Variants in GAREM1 observed in about 807,000 individuals in gnomAD.
GAREM1 encodes GRB2 associated regulator of MAPK1 subtype 1, also known as GRB2-associated and regulator of MAPK protein 1.
GAREM1 carries 26 observed loss-of-function variants against 71.3 expected under a neutral mutation model. The observed-to-expected ratio is 0.36, with a 90% CI of 0.27 to 0.51. GAREM1 has a LOEUF of 0.51. GAREM1 is among the 20% of genes least tolerant of loss of function. The probability of loss-of-function intolerance (pLI) is 0.95; values close to 1 mark genes in which losing one functional copy is unlikely to be tolerated. For synonymous variants in GAREM1, 440 were observed against 433.2 expected, an observed-to-expected ratio of 1.02 and a Z score of -0.20; for missense variants, 1,026 against 1,103.1, an observed-to-expected ratio of 0.93 and a Z score of 0.99.
chr18:32,281,213 T>G (rs771848746), intron 4 of GAREM1, among the ~76,000 whole-genome samples: 1 of 152,170 alleles, frequency 6.6e-6, no homozygotes, highest in Non-Finnish European at 1.5e-5. Flanking sequence ...AGCTCTCAGA[T>G]GCAATGCTGC....
At chr18:32,299,903 A>T (rs1194338269) in intron 3 of GAREM1, among the ~76,000 whole-genome samples, 2 of 152,204 alleles carry the variant, frequency 1.3e-5, no homozygotes, top group African/African-American at 2.4e-5. Context: ...AAAAAGTTTT[A>T]AAAAATTTAT....
At chr18:32,371,493 G>A (rs953357901) in intron 2 of GAREM1, among the ~76,000 whole-genome samples, 23 of 152,224 alleles carry the variant, frequency 1.5e-4, no homozygotes, top group African/African-American at 4.8e-4. Context: ...TTGATATGCA[G>A]AGAAGATAGA....
chr18:32,444,851 C>T (rs2048771706), intron 1 of GAREM1, among the ~76,000 whole-genome samples: 1 of 152,154 alleles, frequency 6.6e-6, no homozygotes, highest in African/African-American at 2.4e-5. Flanking sequence ...GTGGGTATGA[C>T]TTTGTAAGAT....
At chr18:32,306,918 G>C (rs568571020) in intron 3 of GAREM1, among the ~76,000 whole-genome samples, 1 of 152,056 alleles carries the variant, frequency 6.6e-6, no homozygotes, top group Admixed American at 6.5e-5. Flanking sequence ...ATTTCACGCA[G>C]TTAATCGATG....
At chr18:32,367,283 T>C (rs565212349) in intron 2 of GAREM1, among the ~76,000 whole-genome samples, 12 of 152,356 alleles carry the variant, frequency 7.9e-5, no homozygotes, top group Admixed American at 4.6e-4. Context: ...GATTTCTGAC[T>C]GGTTGAAGGA....
At chr18:32,286,751 ACT>A (rs1451486333) in intron 4 of GAREM1, among the ~76,000 whole-genome samples, 2 of 150,580 alleles carry the variant, frequency 1.3e-5, no homozygotes, top group East Asian at 3.9e-4. Context: ...CCCACCTTCT[ACT>A]CTCTCCTCCC....
chr18:32,296,544 C>G (rs1178898660), intron 3 of GAREM1, among the ~76,000 whole-genome samples: 1 of 152,154 alleles, frequency 6.6e-6, no homozygotes. Context: ...GGCCTTGTTT[C>G]TAAGGCTTTG....
At chr18:32,364,016 ATATATATATATG>A (rs1171240080) in intron 2 of GAREM1, among the ~76,000 whole-genome samples, 7 of 49,098 alleles carry the variant, frequency 1.4e-4, no homozygotes, top group African/African-American at 8.6e-4. Context: ...ATATATATAT[ATATATATATATG>A]TTTTTTTTTT....
At chr18:32,386,746 C>G (rs1445982299) in intron 2 of GAREM1, among the ~76,000 whole-genome samples, 2 of 152,164 alleles carry the variant, frequency 1.3e-5, no homozygotes, top group East Asian at 1.9e-4. Flanking sequence ...ACTTCATGTT[C>G]TGATCCATTT....
In GAREM1 at chr18:32,371,666, C is replaced by T. The variant is rs144661632; in HGVS notation, c.262+21229G>A. 4.1e-3 allele frequency among the ~76,000 whole-genome samples: 627 copies of T among 152,072 alleles called. 2 individuals are homozygous for T. The highest frequency in any genetic ancestry group is 0.014 in the African/African-American group (592 of 41,486). On this transcript the variant is annotated intron_variant, in intron 2 of 5. Coordinates refer to ENST00000269209, the MANE Select transcript of GAREM1 (RefSeq NM_001242409.2). ...TAGAGAGTGGAGCTGGACACTCCTA[C>T]AGACATATCCCAGGAGGGAAAGGAG...
chr18:32,341,102 A>G (rs1393867005), intron 2 of GAREM1, among the ~76,000 whole-genome samples: 1 of 152,116 alleles, frequency 6.6e-6, no homozygotes, highest in Non-Finnish European at 1.5e-5. Context: ...TACATTAGGT[A>G]TATCTGCTAA....
At chr18:32,300,696 C>T (rs528813789) in intron 3 of GAREM1, among the ~76,000 whole-genome samples, 47 of 152,122 alleles carry the variant, frequency 3.1e-4, no homozygotes, top group African/African-American at 8.7e-4. Context: ...CGCTTGAGAT[C>T]GGGAGTTCGA....
intron 2 of GAREM1, among the ~76,000 whole-genome samples, chr18:32,370,256 C>T (rs1163330527): frequency 3.3e-5 from 5 of 151,860 alleles, no homozygotes; most frequent in East Asian, 3.9e-4. Flanking sequence ...AGTGAAACCC[C>T]GTCTCTACTA....
rs200241874 is a variant in GAREM1 at position 32,270,219 on chromosome 18, G to A, written c.1731C>T (p.Asn577=). 1.4e-5 allele frequency: 22 copies of A among 1,613,762 alleles called. No homozygotes were observed. The highest frequency in any genetic ancestry group is 3.3e-5 in the Admixed American group (2 of 59,946). ...TGGGACCTGGCAGGAAGACTTACAT[G>A]TTGTGTAGCCCTGAAGAATAGTAGG... ...TLSYYSSGLH[N]ISVTKTDTNP... is the part of the protein sequence containing the mutation. The change falls in exon 5 of 6, where the codon AAC becomes AAT. Residue 577 remains asparagine (N), a splice_region_variant and synonymous_variant. Transcript: ENST00000269209.
intron 2 of GAREM1, among the ~76,000 whole-genome samples, chr18:32,355,989 G>C (rs970025842): frequency 2.6e-5 from 4 of 152,154 alleles, no homozygotes; most frequent in Admixed American, 2.0e-4. Flanking sequence ...ATCAGGTCAC[G>C]ATTACCTCCT....
intron 3 of GAREM1, among the ~76,000 whole-genome samples, chr18:32,294,360 G>A (rs1598937617): frequency 6.6e-6 from 1 of 152,246 alleles, no homozygotes; most frequent in Non-Finnish European, 1.5e-5. Flanking sequence ...GGCAAAAGTT[G>A]GTGAATCTGG....
At chr18:32,321,236 A>C (rs1189158876) in intron 2 of GAREM1, among the ~76,000 whole-genome samples, 1 of 152,132 alleles carries the variant, frequency 6.6e-6, no homozygotes. Flanking sequence ...GCTTTTATTT[A>C]AGTCCCTCCA....
chr18:32,290,362 C>A (rs1200025230), intron 3 of GAREM1: 1 of 151,976 alleles, frequency 6.6e-6, no homozygotes, highest in African/African-American at 2.4e-5. Context: ...AAATGACAGA[C>A]TGAAGATATC....
In GAREM1 at chr18:32,440,053, C is replaced by T. The variant is rs993803303; in HGVS notation, c.121+30255G>A. On this transcript the variant is annotated intron_variant, in intron 1 of 5. Transcript: ENST00000269209. The stretch of plus-strand genomic sequence containing the variant: ...CCATTCTTCTCTCTCTGTTGGCTGG[C>T]CTCTTCTGTTCATACATTGTTCCCT... 4.6e-5 allele frequency among the ~76,000 whole-genome samples: 7 copies of T among 152,130 alleles called. No homozygotes were observed. The East Asian group carries it at 7.7e-4, about 17-fold the overall frequency.
Sources: allele counts gnomAD v4.1 joint callset (sites outside exome capture counted in the v4.1 genomes callset), GRCh38; gene constraint gnomAD v4.1.1; transcripts MANE v1.5; gene names NCBI Gene and HGNC (gene_info 2026-07-23, HGNC 2026-07-21).